KIF25: variants seen among roughly 807,000 people sequenced by gnomAD.
KIF25 encodes the protein kinesin-like protein KIF25.
In KIF25, 19 loss-of-function variants were observed where a neutral mutation model predicts 32.9. The ratio of observed to expected loss-of-function variants is 0.58; its 90% CI spans 0.40 to 0.85. KIF25 has a LOEUF of 0.85. Among genes scored for constraint, KIF25 ranks in the 40% least tolerant of loss-of-function variants. The pLI is 0.00. For missense variants in KIF25, 485 were observed against 507.0 expected, an observed-to-expected ratio of 0.96 and a Z score of 0.42; for synonymous variants, 225 against 213.7, an observed-to-expected ratio of 1.05 and a Z score of -0.46.
intron 5 of KIF25, among the ~76,000 whole-genome samples, chr6:168,023,734 G>A (rs1458953316): frequency 6.6e-6 from 1 of 152,196 alleles, no homozygotes; most frequent in Non-Finnish European, 1.5e-5. Flanking sequence ...AACGTCAGCA[G>A]CATATTTTAA....
intron 2 of KIF25, among the ~76,000 whole-genome samples, chr6:168,001,958 G>C (rs537986698): frequency 8.0e-6 from 1 of 124,558 alleles, no homozygotes; most frequent in East Asian, 2.5e-4. Flanking sequence ...GCGTGGCCGC[G>C]GGCAGGTGAG....
chr6:168,015,319 T>C (rs994693068), intron 4 of KIF25, among the ~76,000 whole-genome samples: 2 of 152,244 alleles, frequency 1.3e-5, no homozygotes, highest in African/African-American at 4.8e-5. Context: ...AGAGGGTGAA[T>C]TCAATGTACT....
chr6:168,043,789 C>T (rs1446352203), intron 12 of KIF25, among the ~76,000 whole-genome samples: 1 of 152,236 alleles, frequency 6.6e-6, no homozygotes, highest in African/African-American at 2.4e-5. Context: ...CTGGGGTCTG[C>T]ACTTTTCCTC....
rs1427223119 is a variant in KIF25, at chr6:168,034,049, G to A, written c.317+18G>A. ...CTCTTCAGGTACTGCCGATGGTGAT[G>A]AGTGGGGCAGAGAAATATGGCAGGG... On this transcript the variant is annotated intron_variant, in intron 8 of 12. Transcript: ENST00000643607. 1 of 1,612,918 alleles carries A rather than the reference G, an allele frequency of 6.2e-7. No individual in the cohort carries two copies. The highest frequency in any genetic ancestry group is 1.3e-5 in the African/African-American group (1 of 74,908).
chr6:168,025,881 G>T (rs919110605), intron 5 of KIF25, among the ~76,000 whole-genome samples: 1 of 152,262 alleles, frequency 6.6e-6, no homozygotes, highest in Admixed American at 6.5e-5. Flanking sequence ...CCCACAGAGT[G>T]TGCGGCCGAG....
chr6:168,033,885 CAAT>C lies in KIF25; in HGVS notation c.172_174del (p.Asn58del). 1.2e-6 allele frequency: 2 copies of C among 1,612,618 alleles called. No homozygotes were observed. The highest frequency in any genetic ancestry group is 1.7e-6 in the Non-Finnish European group (2 of 1,178,788). ...CTGAATCTGCTCTGAATTTTAGGTA[CAAT>C]GTTTGTGTTATGGCGTATGGACAGA... On this transcript the variant is annotated inframe_deletion, in exon 8 of 13. Transcript: ENST00000643607.
chr6:168,008,043 T>C (rs1798601389), intron 4 of KIF25, among the ~76,000 whole-genome samples: 1 of 137,158 alleles, frequency 7.3e-6, no homozygotes, highest in South Asian at 2.1e-4. Context: ...TAGAACATTC[T>C]CTTTAGTTTA....
At chr6:168,008,407 G>A (rs1254183550) in intron 4 of KIF25, among the ~76,000 whole-genome samples, 1 of 152,046 alleles carries the variant, frequency 6.6e-6, no homozygotes. Flanking sequence ...TAATTTCTGG[G>A]TTCTCTATTC....
rs1231104281 is a variant in KIF25 at position 168,030,852 on chromosome 6, G to A, written c.167+5G>A. ...ACTCACTTCTCTCTTGGATGGGTGAGTTAAAATATTTTTAAGGCCAGTCAT... is the reference window on the plus strand; with the variant it reads ...ACTCACTTCTCTCTTGGATGGGTGAATTAAAATATTTTTAAGGCCAGTCAT... On this transcript the variant is annotated splice_donor_5th_base_variant and intron_variant, in intron 7 of 12. Coordinates refer to ENST00000643607, the MANE Select transcript of KIF25 (RefSeq NM_030615.4). The A allele has an allele frequency of 6.2e-7, 1 of 1,606,136 alleles. No individual in the cohort carries two copies. Among genetic ancestry groups the A allele is most frequent in the Non-Finnish European group, 8.5e-7 (1 of 1,174,462 alleles).
rs905883199 is a variant in KIF25, at chr6:168,018,002, TG to T, written c.-131del. On this transcript the variant is annotated 5_prime_UTR_variant, in exon 5 of 13. Coordinates refer to ENST00000643607, the MANE Select transcript of KIF25 (RefSeq NM_030615.4). Reference sequence around the variant, plus strand: ...CAATTCTGGTGAAATGTGATCGTCCTGGCCACCCTCTGATTGATAAGACATA... The same window carrying T: ...CAATTCTGGTGAAATGTGATCGTCCTGCCACCCTCTGATTGATAAGACATA... 3.3e-5 allele frequency: 5 copies of T among 152,626 alleles called. No homozygotes were observed. The highest frequency in any genetic ancestry group is 1.2e-4 in the African/African-American group (5 of 41,448). 9.5% of individuals were successfully genotyped at this position (152,626 alleles called of 1,614,324 possible).
rs759053325 is a variant in KIF25, at chr6:168,044,916, C to T, written c.1075C>T (p.Arg359Ter). 20 of 1,613,070 alleles carry T rather than the reference C, an allele frequency of 1.2e-5. No homozygotes were observed. Among genetic ancestry groups the T allele is most frequent in the African/African-American group, 8.0e-5 (6 of 74,944 alleles). ...QTLQGLGFGIRARQVQRGPAR... is the reference protein window; with the variant it reads ...QTLQGLGFGI ...GTTGCAGGGCCTGGGTTTCGGGATCCGAGCTCGGCAAGTCCAGCGAGGCCC... is the reference window on the plus strand; with the variant it reads ...GTTGCAGGGCCTGGGTTTCGGGATCTGAGCTCGGCAAGTCCAGCGAGGCCC... Residue 359 changes from arginine (R) to a stop codon, truncating the protein, a stop_gained, in exon 13 of 13, where the codon CGA (arginine) becomes TGA (stop). Coordinates refer to ENST00000643607, the MANE Select transcript of KIF25 (RefSeq NM_030615.4). LOFTEE classifies it low-confidence loss of function (END_TRUNC).
At chr6:168,014,214 C>T (rs1798685230) in intron 4 of KIF25, among the ~76,000 whole-genome samples, 1 of 152,104 alleles carries the variant, frequency 6.6e-6, no homozygotes, top group South Asian at 2.1e-4. Context: ...TCCTGGTTAA[C>T]CTGAAGGAGT....
rs752334712 is a variant in KIF25 at position 168,044,848 on chromosome 6, T to C, written c.1007T>C (p.Val336Ala). ...AAAGGAGGCGATGCGAAGTTACTGG[T>C]GATTCTCTGCATTTCTCCCAGCCAG... is the stretch of plus-strand genomic sequence containing the variant. Reference protein sequence around the residue: ...DCLGGDAKLLVILCISPSQRH... With the variant: ...DCLGGDAKLLAILCISPSQRH... The change falls in exon 13 of 13, where the codon GTG becomes GCG. Residue 336 changes from valine (V) to alanine (A), a missense_variant. Val to Ala is a moderately conservative substitution (Grantham distance 64, BLOSUM62 0). This residue lies in a region of KIF25 where 480 missense variants were observed against 470.3 expected (regional missense o/e 1.02). Coordinates refer to ENST00000643607, the MANE Select transcript of KIF25 (RefSeq NM_030615.4). The C allele has an allele frequency of 8.8e-5, 141 of 1,597,586 alleles. 1 individual carries two copies. The highest frequency in any genetic ancestry group is 6.7e-4 in the Middle Eastern group (4 of 6,002).
At chr6:168,030,668 G>C in intron 6 of KIF25, 105 bp from the exon 7 acceptor site, 2 of 727,718 alleles carry the variant, frequency 2.7e-6, no homozygotes, top group South Asian at 3.6e-5. Flanking sequence ...GGCGTTGGGG[G>C]GATGGGAAGT....
intron 6 of KIF25, chr6:168,030,454 C>T (rs1233316589): frequency 7.1e-6 from 1 of 140,386 alleles, no homozygotes; most frequent in Non-Finnish European, 1.5e-5. Context: ...CCCCTCCCCT[C>T]TCATCTTCCC....
intron 4 of KIF25, among the ~76,000 whole-genome samples, chr6:168,017,719 G>T (rs1484231775): frequency 6.6e-6 from 1 of 152,090 alleles, no homozygotes; most frequent in Non-Finnish European, 1.5e-5. Context: ...TATGGGGGTC[G>T]GCAAACCTTT....
chr6:168,011,053 C>A (rs536391003), intron 4 of KIF25, among the ~76,000 whole-genome samples: 1 of 151,996 alleles, frequency 6.6e-6, no homozygotes, highest in Non-Finnish European at 1.5e-5. Flanking sequence ...GGGTCTTGTT[C>A]TTTAATCTGT....
At chr6:168,006,620 C>T (rs915329339) in intron 4 of KIF25, among the ~76,000 whole-genome samples, 1 of 152,174 alleles carries the variant, frequency 6.6e-6, no homozygotes, top group African/African-American at 2.4e-5. Context: ...CTTCATTCAG[C>T]TTATTATGGT....
intron 9 of KIF25, 82 bp from the exon 10 acceptor site, chr6:168,039,983 C>T (rs62426282): frequency 0.053 from 79,442 of 1,491,370 alleles, 3,354 homozygotes; most frequent in African/African-American, 0.22. Context: ...GAGAGGCTTC[C>T]CTGAGCCGAG....
Sources: gnomAD v4.1 joint callset for allele counts (sites outside exome capture counted in the v4.1 genomes callset) on GRCh38, gnomAD v4.1.1 for gene constraint, gnomAD v4.1.1 regional missense constraint, MANE v1.5 for transcripts, NCBI Gene and HGNC (gene_info 2026-07-23, HGNC 2026-07-21) for gene names.